Variants in HDAC4 observed in about 807,000 individuals in gnomAD.
HDAC4 encodes the protein histone deacetylase A.
HDAC4 carries 16 observed loss-of-function variants against 135.1 expected under a neutral mutation model. The ratio of observed to expected loss-of-function variants is 0.12; its 90% CI spans 0.08 to 0.18. HDAC4 has a LOEUF of 0.18. Among genes scored for constraint, HDAC4 ranks in the 10% least tolerant of loss-of-function variants. The probability of loss-of-function intolerance (pLI) is 1.00; values close to 1 mark genes in which losing one functional copy is unlikely to be tolerated. For missense variants in HDAC4, 1,143 were observed against 1,511.8 expected (o/e 0.76, Z 4.05); for synonymous variants, 685 against 653.4 (o/e 1.05, Z -0.74).
rs769693243 is a variant in HDAC4, at chr2:239,053,449, C to T, written c.3230+11G>A. On this transcript the variant is annotated intron_variant, in intron 26 of 26. Coordinates refer to ENST00000543185, the MANE Select transcript of HDAC4 (RefSeq NM_001378414.1). ...GTGAGCCTGCAGGCGGGCGGCAGGG[C>T]AGGTGCTCACCTCTTTTCGGCGGGC... is the stretch of plus-strand genomic sequence containing the variant. 8.7e-6 allele frequency: 14 copies of T among 1,611,382 alleles called. No individual in the cohort carries two copies. Among genetic ancestry groups the T allele is most frequent in the Middle Eastern group, 1.7e-4 (1 of 5,998 alleles).
rs2052143384 is a variant in HDAC4, at chr2:239,299,836, A to G, written c.22+52842T>C. ...GGGAGGCACACACCAGACGAACCAA[A>G]CCAGCAACAGAGCGGAGAGCCTGCA... On this transcript the variant is annotated intron_variant, in intron 2 of 26. Transcript: ENST00000543185. This position sits in a 1 kb window ranked among gnomAD's most constrained non-coding sequence, Gnocchi z 4.0. Among the ~76,000 whole-genome samples the G allele has an allele frequency of 6.6e-6, 1 of 152,102 alleles. No homozygotes were observed. Among genetic ancestry groups the G allele is most frequent in the African/African-American group, 2.4e-5 (1 of 41,404 alleles).
chr2:239,271,199 G>A (rs2050040145), intron 2 of HDAC4, among the ~76,000 whole-genome samples: 1 of 152,108 alleles, frequency 6.6e-6, no homozygotes, highest in Non-Finnish European at 1.5e-5. Context: ...CTGCAGCCTC[G>A]ACTTCCTGGG....
At chr2:239,290,748 A>T (rs1207102711) in intron 2 of HDAC4, among the ~76,000 whole-genome samples, 1 of 152,038 alleles carries the variant, frequency 6.6e-6, no homozygotes, top group Non-Finnish European at 1.5e-5. Context: ...ACGCGCACGC[A>T]CTCACACACA....
chr2:239,390,934 C>T (rs958259960), intron 1 of HDAC4, among the ~76,000 whole-genome samples: 2 of 152,136 alleles, frequency 1.3e-5, no homozygotes, highest in Non-Finnish European at 2.9e-5. Context: ...GGAGGGAAAG[C>T]GGGGCAGCCT....
In HDAC4 at chr2:239,048,572, G is replaced by GATAGATAGATAGATAC. The variant is rs2030317982; in HGVS notation, c.*4524_*4525insGTATCTATCTATCTAT. The GATAGATAGATAGATAC allele has an allele frequency of 6.6e-6, 1 of 151,826 alleles. No homozygotes were observed. Among genetic ancestry groups the GATAGATAGATAGATAC allele is most frequent in the South Asian group, 2.1e-4 (1 of 4,814 alleles). 9.4% of individuals were successfully genotyped at this position (151,826 alleles called of 1,614,324 possible). On this transcript the variant is annotated 3_prime_UTR_variant, in exon 27 of 27. Coordinates refer to ENST00000543185, the MANE Select transcript of HDAC4 (RefSeq NM_001378414.1). ...TTCAAGCCCCCTGTATAGATAGATA[G>GATAGATAGATAGATAC]ATAGATAGATAGATAGATAGATTAT...
In HDAC4 at chr2:239,192,286, G is replaced by A. The variant is rs532818827; in HGVS notation, c.95-2209C>T. ...GTTCCATGTGCAGGAGCAGAAAGCA[G>A]GGGTCCACCCACTCCCCCACCCCAT... On this transcript the variant is annotated intron_variant, in intron 3 of 26. Transcript: ENST00000543185. Among the ~76,000 whole-genome samples, 20 of 144,972 alleles carry A rather than the reference G, an allele frequency of 1.4e-4. No individual in the cohort carries two copies. In the Admixed American group the frequency reaches 1.4e-3, roughly 10 times the overall value.
chr2:239,210,437 C>A (rs191115000), intron 3 of HDAC4, among the ~76,000 whole-genome samples: 2 of 152,196 alleles, frequency 1.3e-5, no homozygotes, highest in Non-Finnish European at 1.5e-5. Flanking sequence ...CATACTTACA[C>A]GGCAAAACTA....
At chr2:239,053,896 G>A (rs1202039054) in intron 25 of HDAC4, among the ~76,000 whole-genome samples, 1 of 152,060 alleles carries the variant, frequency 6.6e-6, no homozygotes, top group Non-Finnish European at 1.5e-5. Context: ...CACGCTCACG[G>A]GCCCCTTTCT....
chr2:239,210,738 T>G (rs1031175706), intron 3 of HDAC4, among the ~76,000 whole-genome samples: 3 of 152,162 alleles, frequency 2.0e-5, no homozygotes, highest in African/African-American at 7.2e-5. Flanking sequence ...CCTACCATCC[T>G]GAATTCCTGG....
intron 2 of HDAC4, among the ~76,000 whole-genome samples, chr2:239,268,168 G>T (rs766696206): frequency 2.4e-4 from 36 of 152,266 alleles, no homozygotes; most frequent in Non-Finnish European, 5.0e-4. Flanking sequence ...TCCTTAGGAA[G>T]TTGGAATGGG....
At chr2:239,218,491 A>G (rs2046769372) in intron 3 of HDAC4, among the ~76,000 whole-genome samples, 1 of 150,916 alleles carries the variant, frequency 6.6e-6, no homozygotes, top group Non-Finnish European at 1.5e-5. Flanking sequence ...AGACTTAAAC[A>G]TTAGACCTAA....
At chr2:239,154,584 G>A (rs55957476) in intron 7 of HDAC4, 12,937 of 151,974 alleles carry the variant, frequency 0.085, 607 homozygotes, top group East Asian at 0.18. Context: ...CCCATTCCCC[G>A]GGTCTCTCTC....
chr2:239,337,919 T>C (rs1306530772), intron 2 of HDAC4, among the ~76,000 whole-genome samples: 2 of 152,114 alleles, frequency 1.3e-5, no homozygotes, highest in Non-Finnish European at 2.9e-5. Flanking sequence ...TGTACACTGC[T>C]ATCTCTTCGG....
At chr2:239,237,378 C>A (rs1242921812) in intron 2 of HDAC4, among the ~76,000 whole-genome samples, 1 of 152,030 alleles carries the variant, frequency 6.6e-6, no homozygotes, top group Non-Finnish European at 1.5e-5. Flanking sequence ...TTCCAGGAAT[C>A]ACACTTTTCT....
intron 1 of HDAC4, among the ~76,000 whole-genome samples, chr2:239,383,683 C>T (rs1695579717): frequency 6.6e-6 from 1 of 151,948 alleles, no homozygotes; most frequent in African/African-American, 2.4e-5. Context: ...ACGACACCGC[C>T]TCAGCAGCTC....
chr2:239,243,901 T>C (rs189363541), intron 2 of HDAC4, among the ~76,000 whole-genome samples: 11 of 152,340 alleles, frequency 7.2e-5, no homozygotes, highest in Admixed American at 6.5e-4. Context: ...CGTTTTTCCC[T>C]GGTGCCCATT....
rs558764411 is a variant in HDAC4 at position 239,248,481 on chromosome 2, C to T, written c.23-11817G>A. Among the ~76,000 whole-genome samples the T allele has an allele frequency of 3.9e-5, 6 of 152,244 alleles. No homozygotes were observed. The South Asian group carries it at 6.2e-4, about 16-fold the overall frequency. On this transcript the variant is annotated intron_variant, in intron 2 of 26. Coordinates refer to ENST00000543185, the MANE Select transcript of HDAC4 (RefSeq NM_001378414.1). ...AGGCATGAGCTGCAGAGCCCGGCCA[C>T]CTCTAGCGCTTTTTAGGACAATATT...
chr2:239,316,621 T>C (rs2053124770), intron 2 of HDAC4, among the ~76,000 whole-genome samples: 1 of 152,064 alleles, frequency 6.6e-6, no homozygotes, highest in African/African-American at 2.4e-5. Context: ...GCTGGATGAA[T>C]TGCAGAGTGT....
intron 2 of HDAC4, among the ~76,000 whole-genome samples, chr2:239,323,474 CCATTT>C (rs1320930888): frequency 1.3e-5 from 2 of 152,044 alleles, no homozygotes; most frequent in African/African-American, 4.8e-5. Flanking sequence ...GAGTATTTTC[CCATTT>C]ATTTAATAAA....
Sources: gnomAD v4.1 joint callset for allele counts (sites outside exome capture counted in the v4.1 genomes callset) on GRCh38, gnomAD v4.1.1 for gene constraint, Gnocchi (gnomAD v3.1) non-coding constraint, MANE v1.5 for transcripts, NCBI Gene and HGNC (gene_info 2026-07-23, HGNC 2026-07-21) for gene names.